The following ERC1 variants were observed in gnomAD, a reference collection of about 807,000 sequenced individuals.
The protein encoded by ERC1 is ELKS/RAB6-interacting/CAST family member 1, also known as RAB6 interacting protein 2.
In ERC1, 56 loss-of-function variants were observed where a neutral mutation model predicts 132.0. The ratio of observed to expected loss-of-function variants is 0.42; its 90% CI spans 0.34 to 0.53. The LOEUF is 0.53. Among genes scored for constraint, ERC1 ranks in the 20% least tolerant of loss-of-function variants. The probability of loss-of-function intolerance (pLI) is 0.03; values close to 1 mark genes in which losing one functional copy is unlikely to be tolerated. For missense variants in ERC1, 1,202 were observed against 1,349.9 expected, an observed-to-expected ratio of 0.89 and a Z score of 1.72; for synonymous variants, 478 against 476.1, an observed-to-expected ratio of 1.00 and a Z score of -0.05.
intron 18 of ERC1, among the ~76,000 whole-genome samples, chr12:1,482,809 A>G (rs183086930): frequency 1.3e-5 from 2 of 152,158 alleles, no homozygotes; most frequent in Admixed American, 6.5e-5. Flanking sequence ...TTGCAAGTAC[A>G]TAATTCAGTA....
intron 15 of ERC1, among the ~76,000 whole-genome samples, chr12:1,325,877 G>A (rs2082412966): frequency 1.3e-5 from 2 of 151,900 alleles, no homozygotes; most frequent in African/African-American, 4.8e-5. Context: ...TGCATCTTTG[G>A]TTGTGACTCA....
rs56939346 is a variant in ERC1, at chr12:1,493,548, A to AAATATATATAT, written c.*3319_*3320insATATATATATA. On this transcript the variant is annotated 3_prime_UTR_variant, in exon 19 of 19. Transcript: ENST00000360905. ...ACTCCATTTAAAAAAAAAAAAAAAA[A>AAATATATATAT]ATATATATATATATATATATATATA... 3.7e-4 allele frequency: 5 copies of AAATATATATAT among 13,620 alleles called. No homozygotes were observed. The highest frequency in any genetic ancestry group is 2.1e-3 in the Admixed American group (2 of 974). The allele number at this position is 13,620 out of a possible 1,614,324, so 0.8% of individuals were successfully genotyped here. A position where few individuals can be genotyped will look rare whatever the true frequency, so the allele number is the denominator to read the frequency against.
chr12:1,495,418 A>G lies in ERC1; in HGVS notation c.*5188A>G, dbSNP rs1364671436. ...ACTGTCAGGAAAGGAAGTGAACCCT[A>G]CTGAAGCCAGAGAATTCACCCCGGC... On this transcript the variant is annotated 3_prime_UTR_variant, in exon 19 of 19. Coordinates refer to ENST00000360905, the MANE Select transcript of ERC1 (RefSeq NM_178040.4). The G allele has an allele frequency of 1.3e-5, 3 of 227,864 alleles. No homozygotes were observed. Among genetic ancestry groups the G allele is most frequent in the Non-Finnish European group, 1.7e-5 (2 of 114,840 alleles). 14.1% of individuals were successfully genotyped at this position (227,864 alleles called of 1,614,324 possible). A position where few individuals can be genotyped will look rare whatever the true frequency, so the allele number is the denominator to read the frequency against.
chr12:1,106,579 A>C (rs1471926591), intron 4 of ERC1, among the ~76,000 whole-genome samples: 1 of 151,820 alleles, frequency 6.6e-6, no homozygotes, highest in Non-Finnish European at 1.5e-5. Flanking sequence ...TTACCAAACA[A>C]ATTCCGAATT....
chr12:1,280,662 G>A (rs1471832923), intron 14 of ERC1, among the ~76,000 whole-genome samples: 1 of 152,128 alleles, frequency 6.6e-6, no homozygotes, highest in Non-Finnish European at 1.5e-5. Flanking sequence ...GCTTACAAAG[G>A]CAGCATACAA....
intron 7 of ERC1, among the ~76,000 whole-genome samples, chr12:1,118,402 G>T (rs1173597901): frequency 6.6e-6 from 1 of 152,136 alleles, no homozygotes; most frequent in Non-Finnish European, 1.5e-5. Flanking sequence ...ACCCAGATGG[G>T]CTTGTGATTG....
chr12:1,440,359 C>CT (rs1474805213), intron 17 of ERC1, among the ~76,000 whole-genome samples: 1 of 149,892 alleles, frequency 6.7e-6, no homozygotes, highest in Non-Finnish European at 1.5e-5. Context: ...CGCCCGCCAC[C>CT]ACGCCCGGCT....
intron 8 of ERC1, among the ~76,000 whole-genome samples, chr12:1,162,665 TG>T (rs1420373062): frequency 6.6e-6 from 1 of 152,126 alleles, no homozygotes; most frequent in Non-Finnish European, 1.5e-5. Context: ...GTAAGGTTGT[TG>T]TTTTTTTAAT....
intron 17 of ERC1, among the ~76,000 whole-genome samples, chr12:1,440,362 GC>G (rs2093083743): frequency 6.7e-6 from 1 of 149,180 alleles, no homozygotes; most frequent in South Asian, 2.1e-4. Context: ...CCGCCACCAC[GC>G]CCGGCTAATT....
At chr12:1,131,922 G>A (rs1432070632) in intron 7 of ERC1, among the ~76,000 whole-genome samples, 1 of 152,150 alleles carries the variant, frequency 6.6e-6, no homozygotes, top group Non-Finnish European at 1.5e-5. Context: ...GGCAAGTTGG[G>A]CGAATGCTGT....
At chr12:1,404,351 A>C (rs189939882) in intron 16 of ERC1, among the ~76,000 whole-genome samples, 5 of 150,914 alleles carry the variant, frequency 3.3e-5, no homozygotes, top group Admixed American at 2.7e-4. Context: ...TTATTCATTC[A>C]TTTGCAATAA....
intron 1 of ERC1, among the ~76,000 whole-genome samples, chr12:1,015,824 C>T (rs981544016): frequency 2.6e-5 from 4 of 152,166 alleles, no homozygotes; most frequent in Non-Finnish European, 4.4e-5. Context: ...AACCCCATTA[C>T]ATCAGGTTGT....
chr12:1,358,039 A>G (rs1427793931), intron 15 of ERC1, among the ~76,000 whole-genome samples: 1 of 152,146 alleles, frequency 6.6e-6, no homozygotes, highest in African/African-American at 2.4e-5. Context: ...CTTGCCAGGA[A>G]AATAGGAGAT....
At chr12:1,489,333 G>C (rs1046940605) in intron 18 of ERC1, among the ~76,000 whole-genome samples, 8 of 152,188 alleles carry the variant, frequency 5.3e-5, no homozygotes, top group African/African-American at 1.9e-4. Context: ...AGACTCCTCA[G>C]GGTGAGCAGA....
chr12:1,133,209 G>C (rs967022027), intron 7 of ERC1, among the ~76,000 whole-genome samples: 1 of 151,210 alleles, frequency 6.6e-6, no homozygotes, highest in Non-Finnish European at 1.5e-5. Flanking sequence ...TTTTGCTTTT[G>C]GTTAGAGGTA....
intron 8 of ERC1, among the ~76,000 whole-genome samples, chr12:1,143,171 T>G (rs1950006374): frequency 6.6e-6 from 1 of 152,174 alleles, no homozygotes; most frequent in African/African-American, 2.4e-5. Context: ...CCCGAAGTAC[T>G]GGGATTACAG....
chr12:1,302,672 A>T (rs1455591578), intron 15 of ERC1, among the ~76,000 whole-genome samples: 1 of 152,218 alleles, frequency 6.6e-6, no homozygotes, highest in Non-Finnish European at 1.5e-5. Context: ...CAGTGCTTAT[A>T]AAAGTTATAT....
intron 7 of ERC1, among the ~76,000 whole-genome samples, chr12:1,119,877 C>G (rs1946886362): frequency 1.3e-5 from 2 of 152,082 alleles, no homozygotes; most frequent in Non-Finnish European, 2.9e-5. Flanking sequence ...TTTAAGCCTC[C>G]ATTTCCTCAT....
chr12:1,469,341 T>G (rs2093810261), intron 18 of ERC1, among the ~76,000 whole-genome samples: 1 of 152,198 alleles, frequency 6.6e-6, no homozygotes, highest in Admixed American at 6.5e-5. Context: ...CAGCTGTTGA[T>G]TGGGAGCAGC....
Sources: allele counts gnomAD v4.1 joint callset (sites outside exome capture counted in the v4.1 genomes callset), GRCh38; gene constraint gnomAD v4.1.1; transcripts MANE v1.5; gene names NCBI Gene and HGNC (gene_info 2026-07-23, HGNC 2026-07-21).